Variants in FFAR1 observed in about 807,000 individuals in gnomAD.
FFAR1 encodes G-protein coupled receptor 40.
For synonymous variants in FFAR1, 216 were observed against 201.5 expected, an observed-to-expected ratio of 1.07 and a Z score of -0.61; for missense variants, 424 against 396.2, an observed-to-expected ratio of 1.07 and a Z score of -0.60.
chr19:35,349,566 G>A (rs1441913038), upstream of FFAR1, among the ~76,000 whole-genome samples: 1 of 152,232 alleles, frequency 6.6e-6, no homozygotes, highest in Non-Finnish European at 1.5e-5. Flanking sequence ...CCAATTTAGT[G>A]GCTCCGAGGT....
At chr19:35,348,526 G>C (rs181166736), upstream of FFAR1, among the ~76,000 whole-genome samples, 3 of 152,304 alleles carry the variant, frequency 2.0e-5, no homozygotes, top group Non-Finnish European at 4.4e-5. Context: ...TTGAACCTGG[G>C]AGGCGGAGGT....
At chr19:35,352,465 C>A in exon 1 of FFAR1, 2 of 1,548,986 alleles carry the variant, frequency 1.3e-6, no homozygotes, top group Non-Finnish European at 1.7e-6. Context: ...CGCCACTGCT[C>A]GGGGGAAGGA....
At chr19:35,350,079 G>A (rs899139880), upstream of FFAR1, among the ~76,000 whole-genome samples, 1 of 152,160 alleles carries the variant, frequency 6.6e-6, no homozygotes, top group Non-Finnish European at 1.5e-5. Context: ...CCCCAGCCAT[G>A]CACCCTGGGG....
At chr19:35,351,308 G>T (rs984017024), upstream of FFAR1, among the ~76,000 whole-genome samples, 2 of 152,170 alleles carry the variant, frequency 1.3e-5, no homozygotes, top group Non-Finnish European at 2.9e-5. Flanking sequence ...TGACATGGTG[G>T]AGAGAAAGCA....
chr19:35,349,197 G>A (rs888980959), upstream of FFAR1, among the ~76,000 whole-genome samples: 4 of 152,156 alleles, frequency 2.6e-5, no homozygotes, highest in Non-Finnish European at 4.4e-5. Context: ...CAGGAGGCCG[G>A]CATTCTAGCT....
chr19:35,350,203 G>T (rs1319694468), upstream of FFAR1, among the ~76,000 whole-genome samples: 1 of 152,158 alleles, frequency 6.6e-6, no homozygotes. Flanking sequence ...TCCTCCTCCC[G>T]CTCCTTCCTC....
exon 1 of FFAR1, chr19:35,352,714 T>G: frequency 1.3e-5 from 7 of 544,600 alleles, no homozygotes; most frequent in East Asian, 3.1e-5. Context: ...TATCTTTCTC[T>G]CCCCTCTGCA....
At chr19:35,351,578 C>T (rs1369977946) in exon 1 of FFAR1, 23 of 1,541,044 alleles carry the variant, frequency 1.5e-5, no homozygotes, top group Non-Finnish European at 1.9e-5. Context: ...AGCTCTCCTT[C>T]GGCCTCTATG....
chr19:35,351,684 GC>G lies in FFAR1; in HGVS notation c.136del (p.Leu46Ter). The G allele has an allele frequency of 3.8e-6, 6 of 1,561,446 alleles. No individual in the cohort carries two copies. The highest frequency in any genetic ancestry group is 5.2e-6 in the Non-Finnish European group (6 of 1,156,114). On this transcript the variant is annotated frameshift_variant, in exon 1 of 1. Transcript: ENST00000246553. LOFTEE classifies it low-confidence loss of function (END_TRUNC). ...CCGTCTCACCCCTAGCCTGGTCTAC[GC>G]CCTGAACCTGGGCTGCTCCGACCTG...
upstream of FFAR1, among the ~76,000 whole-genome samples, chr19:35,349,225 G>A (rs1426138329): frequency 2.6e-5 from 4 of 152,302 alleles, no homozygotes; most frequent in Middle Eastern, 3.4e-3. Flanking sequence ...CAGCCAAGAC[G>A]ATGTCGCACT....
chr19:35,348,490 T>C (rs557245210), upstream of FFAR1, among the ~76,000 whole-genome samples: 1 of 152,090 alleles, frequency 6.6e-6, no homozygotes, highest in Non-Finnish European at 1.5e-5. Flanking sequence ...TCTCAGCTAC[T>C]TGGGAGGCTG....
chr19:35,350,796 G>A (rs1312537282), upstream of FFAR1, among the ~76,000 whole-genome samples: 1 of 152,152 alleles, frequency 6.6e-6, no homozygotes, highest in Non-Finnish European at 1.5e-5. Context: ...TCAGCCCGCT[G>A]AGGGGACTGC....
chr19:35,353,522 A>G (rs774631429), exon 1 of FFAR1: 1 of 152,218 alleles, frequency 6.6e-6, no homozygotes, highest in Non-Finnish European at 1.5e-5. Flanking sequence ...TGTATGTTAT[A>G]TATATTATGT....
upstream of FFAR1, among the ~76,000 whole-genome samples, chr19:35,350,058 T>A (rs556092762): frequency 7.9e-5 from 12 of 152,140 alleles, no homozygotes; most frequent in African/African-American, 2.9e-4. Context: ...TTGGGGAGTG[T>A]CCCCCAGTGT....
chr19:35,352,801 T>C (rs76815147), exon 1 of FFAR1: 5,488 of 366,810 alleles, frequency 0.015, 153 homozygotes, highest in East Asian at 0.098. Flanking sequence ...AGTCTGTTTC[T>C]GACCCACAGG....
upstream of FFAR1, among the ~76,000 whole-genome samples, chr19:35,348,200 G>A (rs1300178997): frequency 2.6e-5 from 4 of 152,210 alleles, no homozygotes; most frequent in Admixed American, 2.0e-4. Context: ...GGTAACTCTA[G>A]GAATTATGGT....
At chr19:35,348,809 G>T (rs974799239), upstream of FFAR1, among the ~76,000 whole-genome samples, 3 of 152,280 alleles carry the variant, frequency 2.0e-5, no homozygotes, top group African/African-American at 7.2e-5. Flanking sequence ...GTCGAGAGCC[G>T]CCAAGGGTTT....
upstream of FFAR1, among the ~76,000 whole-genome samples, chr19:35,349,335 G>A (rs779091719): frequency 9.2e-5 from 14 of 152,232 alleles, no homozygotes; most frequent in Non-Finnish European, 1.5e-4. Context: ...AGATCCAGAC[G>A]CCAGGTGGGT....
Position 35,351,646 on chromosome 19 carries a change from C to G in FFAR1, c.95C>G (p.Ala32Gly). ...GTCCTGGCCATCCGAGGCGCGACGG[C>G]CCACGCCCGGCTCCGTCTCACCCCT... Residue 32 changes from alanine to glycine, a missense_variant, in exon 1 of 1, where the codon GCC (alanine) becomes GGC (glycine). Physicochemically the swap from Ala to Gly is moderately conservative, Grantham distance 60. Coordinates refer to ENST00000246553, the Ensembl canonical transcript of FFAR1. 2 of 1,548,104 alleles carry G rather than the reference C, an allele frequency of 1.3e-6. No individual in the cohort carries two copies. Among genetic ancestry groups the G allele is most frequent in the Non-Finnish European group, 1.7e-6 (2 of 1,149,774 alleles).
Sources: allele counts gnomAD v4.1 joint callset (sites outside exome capture counted in the v4.1 genomes callset), GRCh38; gene constraint gnomAD v4.1.1; transcripts MANE v1.5; gene names NCBI Gene and HGNC (gene_info 2026-07-23, HGNC 2026-07-21).